DYNC1H1: variants seen among roughly 807,000 people sequenced by gnomAD.
The protein encoded by DYNC1H1 is dynein cytoplasmic 1 heavy chain 1.
Under a neutral mutation model 527.1 loss-of-function variants are expected in DYNC1H1, and 51 were observed. That is an observed-to-expected ratio of 0.10 (90% CI 0.08 to 0.12). DYNC1H1 has a LOEUF of 0.12. DYNC1H1 is among the 10% of genes least tolerant of loss of function. The pLI, the probability that DYNC1H1 is intolerant of heterozygous loss-of-function variation, is 1.00. For synonymous variants in DYNC1H1, 2,189 were observed against 2,278.8 expected, an observed-to-expected ratio of 0.96 and a Z score of 1.12; for missense variants, 2,771 against 5,971.8, an observed-to-expected ratio of 0.46 and a Z score of 17.66.
Position 101,986,637 on chromosome 14 carries a change from G to C in DYNC1H1, c.2412G>C (p.Leu804Phe), listed in dbSNP as rs2047940382. The C allele has an allele frequency of 6.2e-7, 1 of 1,613,146 alleles. No homozygotes were observed. The highest frequency in any genetic ancestry group is 8.5e-7 in the Non-Finnish European group (1 of 1,179,130). ...AGGAGCGGAACACCATTTCCCTTTT[G>C]GTGGCTGGCTTGAAAAAGGAAGTGC... ...KVEERNTISLLVAGLKKEVQA... is the reference protein window; with the variant it reads ...KVEERNTISLFVAGLKKEVQA... The change falls in exon 8 of 78, where the codon TTG becomes TTC. Residue 804 changes from leucine to phenylalanine, a missense_variant. Leu to Phe is a conservative substitution (Grantham distance 22). Transcript: ENST00000360184. The surrounding 1 kb of genome is among the most constrained non-coding windows in gnomAD (Gnocchi z 8.7).
In DYNC1H1 at chr14:102,000,678, G is replaced by A. The variant is rs7158912; in HGVS notation, c.4075-276G>A. 65,234 of 489,702 alleles carry A rather than the reference G, an allele frequency of 0.13. 5,078 individuals carry two copies. Among genetic ancestry groups the A allele is most frequent in the East Asian group, 0.23 (5,687 of 24,306 alleles). The allele number at this position is 489,702 out of a possible 1,614,324, so 30.3% of individuals were successfully genotyped here. A position where few individuals can be genotyped will look rare whatever the true frequency, so the allele number is the denominator to read the frequency against. ...CAACCTCCGCCTCCCGGGTTCAAGC[G>A]ATTCTCCTGCCTCAGCCTCCCTAGT... On this transcript the variant is annotated intron_variant, in intron 18 of 77. Transcript: ENST00000360184.
chr14:101,974,467 C>T (rs914569664), intron 1 of DYNC1H1, among the ~76,000 whole-genome samples: 1 of 152,082 alleles, frequency 6.6e-6, no homozygotes, highest in African/African-American at 2.4e-5. Context: ...TAAATTAATC[C>T]ATAGATTGTA....
chr14:102,055,357 C>G lies in DYNC1H1; in HGVS notation c.*4794C>G, dbSNP rs1051731314. On this transcript the variant is annotated 3_prime_UTR_variant, in exon 78 of 78. Transcript: ENST00000360184. The stretch of plus-strand genomic sequence containing the variant: ...GTGGCTGTGTCTACAAAGGCCTCCT[C>G]TTTGAGGGAGACACGCGAGGCACGG... The G allele has an allele frequency of 6.6e-6, 1 of 152,098 alleles. No individual in the cohort carries two copies. The allele number at this position is 152,098 out of a possible 1,614,324, so 9.4% of individuals were successfully genotyped here.
chr14:101,979,325 A>G lies in DYNC1H1; in HGVS notation c.351A>G (p.Ala117=), dbSNP rs2047836821. 1.9e-6 allele frequency: 3 copies of G among 1,614,030 alleles called. No individual in the cohort carries two copies. The highest frequency in any genetic ancestry group is 1.6e-4 in the Middle Eastern group (1 of 6,084). Residue 117 remains alanine (A), a synonymous_variant, in exon 3 of 78, where the codon GCA becomes GCG. Coordinates refer to ENST00000360184, the MANE Select transcript of DYNC1H1 (RefSeq NM_001376.5). The surrounding 1 kb of genome is among the most constrained non-coding windows in gnomAD (Gnocchi z 4.6). The part of the protein sequence containing the change: ...IHYGVKSNSL[A]FIKRTPVIDA... Reference sequence around the variant, plus strand: ...GTTTTATTTTTCTTTTTAGCTTGGCATTCATTAAACGTACTCCCGTGATTG... The same window carrying G: ...GTTTTATTTTTCTTTTTAGCTTGGCGTTCATTAAACGTACTCCCGTGATTG...
chr14:102,027,587 G>A lies in DYNC1H1; in HGVS notation c.9049-32G>A, dbSNP rs190976401. 5 of 1,614,148 alleles carry A rather than the reference G, an allele frequency of 3.1e-6. No homozygotes were observed. In the African/African-American group the frequency reaches 4.0e-5, roughly 13 times the overall value. ...TGCGTTGCATTACGTGTTACCGGGG[G>A]ACCAGTAAGTCAGCACTGTGCTGTT... On this transcript the variant is annotated intron_variant, in intron 46 of 77. Transcript: ENST00000360184. The surrounding 1 kb of genome is among the most constrained non-coding windows in gnomAD (Gnocchi z 7.7).
intron 1 of DYNC1H1, among the ~76,000 whole-genome samples, chr14:101,968,687 G>A (rs866678769): frequency 6.6e-6 from 1 of 151,504 alleles, no homozygotes; most frequent in Middle Eastern, 3.2e-3. Flanking sequence ...TCAGCCTCCT[G>A]AGTAGCTGGG....
chr14:102,011,774 C>A lies in DYNC1H1; in HGVS notation c.6619-101C>A. 7.8e-7 allele frequency: 1 copy of A among 1,289,722 alleles called. No homozygotes were observed. The highest frequency in any genetic ancestry group is 2.1e-4 in the Middle Eastern group (1 of 4,838). 79.9% of individuals were successfully genotyped at this position (1,289,722 alleles called of 1,614,324 possible). A position where few individuals can be genotyped will look rare whatever the true frequency, so the allele number is the denominator to read the frequency against. On this transcript the variant is annotated intron_variant, in intron 32 of 77. Coordinates refer to ENST00000360184, the MANE Select transcript of DYNC1H1 (RefSeq NM_001376.5). The surrounding 1 kb of genome is among the most constrained non-coding windows in gnomAD (Gnocchi z 5.3). ...TTCAGGAAAAAAAAAAAAATCCACACATAATGTTTCTTGCTCACTTTCACA... is the reference window on the plus strand; with the variant it reads ...TTCAGGAAAAAAAAAAAAATCCACAAATAATGTTTCTTGCTCACTTTCACA...
chr14:102,001,478 G>A lies in DYNC1H1; in HGVS notation c.4396-57G>A, dbSNP rs569289337. On this transcript the variant is annotated intron_variant, in intron 20 of 77. Transcript: ENST00000360184. The surrounding 1 kb of genome is among the most constrained non-coding windows in gnomAD (Gnocchi z 5.0). ...TGGTTCTTATAATGCTGGGTCCCTT[G>A]TGCAGGTAGTGAATGCCCACATATT... is the stretch of plus-strand genomic sequence containing the variant. 5 of 1,613,792 alleles carry A rather than the reference G, an allele frequency of 3.1e-6. No individual in the cohort carries two copies. Among genetic ancestry groups the A allele is most frequent in the South Asian group, 1.1e-5 (1 of 91,048 alleles).
Position 102,001,373 on chromosome 14 carries a change from C to T in DYNC1H1, c.4395+19C>T, listed in dbSNP as rs776326398. ...GAAGCAGGCGAGTAATAGGACTGAA[C>T]GGCTGCTTTACGTTGTGTTTCGGGC... On this transcript the variant is annotated intron_variant, in intron 20 of 77. Transcript: ENST00000360184. The surrounding 1 kb of genome is among the most constrained non-coding windows in gnomAD (Gnocchi z 5.0). 22 of 1,613,942 alleles carry T rather than the reference C, an allele frequency of 1.4e-5. No individual in the cohort carries two copies. The highest frequency in any genetic ancestry group is 2.7e-5 in the African/African-American group (2 of 75,010).
chr14:101,986,873 C>A lies in DYNC1H1; in HGVS notation c.2538+110C>A. On this transcript the variant is annotated intron_variant, in intron 8 of 77. Coordinates refer to ENST00000360184, the MANE Select transcript of DYNC1H1 (RefSeq NM_001376.5). This position sits in a 1 kb window ranked among gnomAD's most constrained non-coding sequence, Gnocchi z 8.7. The stretch of plus-strand genomic sequence containing the variant: ...AAGAAGGCATGCATGGTTGATGCAG[C>A]ATACGGCCATGTGAGCTGCAAGGGA... The A allele has an allele frequency of 7.7e-7, 1 of 1,293,488 alleles. No individual in the cohort carries two copies. Among genetic ancestry groups the A allele is most frequent in the Non-Finnish European group, 1.1e-6 (1 of 896,118 alleles). 80.1% of individuals were successfully genotyped at this position (1,293,488 alleles called of 1,614,324 possible). A position where few individuals can be genotyped will look rare whatever the true frequency, so the allele number is the denominator to read the frequency against.
chr14:102,032,502 A>G, intron 52 of DYNC1H1, 35 bp downstream of exon 52: 1 of 1,613,596 alleles, frequency 6.2e-7, no homozygotes, highest in South Asian at 1.1e-5. Flanking sequence ...ATTGCCAGAA[A>G]TTGAAATCAG....
chr14:102,044,033 T>A lies in DYNC1H1; in HGVS notation c.12672T>A (p.Asp4224Glu). Reference protein sequence around the residue: ...SACDTVDTWLDDTAKGRQNIS... With the variant: ...SACDTVDTWLEDTAKGRQNIS... ...GCGATACGGTGGACACGTGGCTGGA[T>A]GACACGGCCAAGGCAAGTGTGGGCC... The change falls in exon 70 of 78, where the codon GAT becomes GAA. Residue 4224 changes from aspartate (D) to glutamate (E), a missense_variant. Coordinates refer to ENST00000360184, the MANE Select transcript of DYNC1H1 (RefSeq NM_001376.5). The surrounding 1 kb of genome is among the most constrained non-coding windows in gnomAD (Gnocchi z 7.1). 1 of 1,613,898 alleles carries A rather than the reference T, an allele frequency of 6.2e-7. No homozygotes were observed. The highest frequency in any genetic ancestry group is 8.5e-7 in the Non-Finnish European group (1 of 1,180,034).
At position 102,033,514 on chromosome 14, in the gene DYNC1H1, T is replaced by C. The variant is rs774313797; in HGVS notation, c.10413+30T>C. 8 of 1,612,130 alleles carry C rather than the reference T, an allele frequency of 5.0e-6. No individual in the cohort carries two copies. The highest frequency in any genetic ancestry group is 2.2e-5 in the South Asian group (2 of 90,954). ...GATTATCATCATTGATCCTCAGCCT[T>C]TCCTGCTGTGGAAGCAGAGATTAAC... is the stretch of plus-strand genomic sequence containing the variant. On this transcript the variant is annotated intron_variant, in intron 54 of 77. Transcript: ENST00000360184. This position sits in a 1 kb window ranked among gnomAD's most constrained non-coding sequence, Gnocchi z 5.6.
At position 102,048,513 on chromosome 14, in the gene DYNC1H1, T is replaced by A. The variant is rs745761721; in HGVS notation, c.13219-3T>A. 2 of 1,614,112 alleles carry A rather than the reference T, an allele frequency of 1.2e-6. No individual in the cohort carries two copies. Among genetic ancestry groups the A allele is most frequent in the Admixed American group, 3.3e-5 (2 of 60,020 alleles). On this transcript the variant is annotated splice_polypyrimidine_tract_variant and splice_region_variant and intron_variant, in intron 73 of 77. Coordinates refer to ENST00000360184, the MANE Select transcript of DYNC1H1 (RefSeq NM_001376.5). ...TTCTCTTCACCCTTTTGAACGATTT[T>A]AGGATCCTTTGTTCAGGTTCTTTGA...
Position 101,965,608 on chromosome 14 carries a change from G to T in DYNC1H1, c.256+661G>T, listed in dbSNP as rs1387553870. ...TGCTCTCACAGCATCCTTGCTGAAC[G>T]GGTGTATCCTGATTTTACACCTGAG... is the stretch of plus-strand genomic sequence containing the variant. On this transcript the variant is annotated intron_variant, in intron 1 of 77. Coordinates refer to ENST00000360184, the MANE Select transcript of DYNC1H1 (RefSeq NM_001376.5). The surrounding 1 kb of genome is among the most constrained non-coding windows in gnomAD (Gnocchi z 4.1). Among the ~76,000 whole-genome samples, 1 of 152,040 alleles carries T rather than the reference G, an allele frequency of 6.6e-6. No individual in the cohort carries two copies. The highest frequency in any genetic ancestry group is 1.5e-5 in the Non-Finnish European group (1 of 68,004).
At chr14:102,008,695 GGA>G (rs753018107) in intron 29 of DYNC1H1, among the ~76,000 whole-genome samples, 2 of 152,154 alleles carry the variant, frequency 1.3e-5, no homozygotes, top group Non-Finnish European at 2.9e-5. Flanking sequence ...GCTGAGGCAG[GGA>G]GAGTCCCTTG....
rs554739899 is a variant in DYNC1H1 at position 102,018,657 on chromosome 14, C to A, written c.8343+41C>A. 6.2e-7 allele frequency: 1 copy of A among 1,608,280 alleles called. No homozygotes were observed. ...TTGCTCTTCCAGAAATTGTTTTCCT[C>A]TCATAATTAAGGCACTCGATTGGTC... On this transcript the variant is annotated intron_variant, in intron 41 of 77. Transcript: ENST00000360184. The surrounding 1 kb of genome is among the most constrained non-coding windows in gnomAD (Gnocchi z 5.2).
rs755251985 is a variant in DYNC1H1, at chr14:102,033,254, A to G, written c.10198-15A>G. 3.1e-6 allele frequency: 5 copies of G among 1,614,176 alleles called. No individual in the cohort carries two copies. Among genetic ancestry groups the G allele is most frequent in the Non-Finnish European group, 4.2e-6 (5 of 1,180,042 alleles). ...CCTGTCACTTAAATAACAGTTATCA[A>G]TTGGTTCTTCCCAGCTTAACTATGC... On this transcript the variant is annotated splice_polypyrimidine_tract_variant and intron_variant, in intron 53 of 77. Coordinates refer to ENST00000360184, the MANE Select transcript of DYNC1H1 (RefSeq NM_001376.5). This position sits in a 1 kb window ranked among gnomAD's most constrained non-coding sequence, Gnocchi z 5.6.
Position 101,983,613 on chromosome 14 carries a change from A to G in DYNC1H1, c.1461+4A>G, listed in dbSNP as rs767995276. 1.9e-6 allele frequency: 3 copies of G among 1,613,448 alleles called. No homozygotes were observed. The highest frequency in any genetic ancestry group is 3.3e-5 in the Admixed American group (2 of 59,892). On this transcript the variant is annotated splice_donor_region_variant and intron_variant, in intron 7 of 77. Coordinates refer to ENST00000360184, the MANE Select transcript of DYNC1H1 (RefSeq NM_001376.5). The surrounding 1 kb of genome is among the most constrained non-coding windows in gnomAD (Gnocchi z 5.3). ...CGTCAGGGTCCTGAGGCCACAGGTA[A>G]GATTTGCATTCTAAAAGTTTGTGTT...
Sources: allele counts gnomAD v4.1 joint callset (sites outside exome capture counted in the v4.1 genomes callset), GRCh38; gene constraint gnomAD v4.1.1; non-coding constraint Gnocchi (gnomAD v3.1); transcripts MANE v1.5; gene names NCBI Gene and HGNC (gene_info 2026-07-23, HGNC 2026-07-21).